Variants in KLHL1 observed in about 807,000 individuals in gnomAD.
KLHL1 encodes kelch-like protein 1.
KLHL1 carries 47 observed loss-of-function variants against 77.7 expected under a neutral mutation model. The ratio of observed to expected loss-of-function variants is 0.60; its 90% CI spans 0.48 to 0.77. KLHL1 has a LOEUF of 0.77. Ranked by LOEUF, KLHL1 falls within the 30% of genes least tolerant of loss-of-function variation. KLHL1 has a pLI of 0.00. For missense variants in KLHL1, 925 were observed against 910.8 expected, an observed-to-expected ratio of 1.02 and a Z score of -0.20; for synonymous variants, 360 against 325.2, an observed-to-expected ratio of 1.11 and a Z score of -1.15.
intron 5 of KLHL1, among the ~76,000 whole-genome samples, chr13:69,859,195 C>G (rs888335053): frequency 2.0e-5 from 3 of 151,818 alleles, no homozygotes; most frequent in African/African-American, 7.3e-5. Context: ...ACTGGTGTAT[C>G]TGCTCCCATT....
At chr13:69,855,868 TATATTA>T (rs1237467967) in intron 5 of KLHL1, among the ~76,000 whole-genome samples, 15 of 144,576 alleles carry the variant, frequency 1.0e-4, no homozygotes, top group Admixed American at 5.6e-4. Context: ...TAATATATTA[TATATTA>T]TATATGTTAT....
intron 3 of KLHL1, among the ~76,000 whole-genome samples, chr13:69,942,011 T>A (rs1883379867): frequency 6.6e-6 from 1 of 151,960 alleles, no homozygotes; most frequent in African/African-American, 2.4e-5. Context: ...AAAGCTCAAT[T>A]CTACCAGACA....
At chr13:70,015,437 C>A (rs947967636) in intron 1 of KLHL1, among the ~76,000 whole-genome samples, 1 of 152,142 alleles carries the variant, frequency 6.6e-6, no homozygotes, top group Non-Finnish European at 1.5e-5. Flanking sequence ...CATTGTTATG[C>A]AGCACGTAAC....
At chr13:69,730,290 TGTGTGTG>T (rs1270715919) in intron 8 of KLHL1, among the ~76,000 whole-genome samples, 2 of 151,984 alleles carry the variant, frequency 1.3e-5, no homozygotes, top group African/African-American at 4.8e-5. Context: ...TGTGTGTGTG[TGTGTGTG>T]TTTTCATTAC....
chr13:69,910,791 GTTCAT>G (rs902967843), intron 4 of KLHL1, among the ~76,000 whole-genome samples: 2 of 151,904 alleles, frequency 1.3e-5, no homozygotes, highest in Non-Finnish European at 2.9e-5. Flanking sequence ...AAGTAAAATG[GTTCAT>G]TTAACTAATT....
intron 7 of KLHL1, among the ~76,000 whole-genome samples, chr13:69,794,243 T>C (rs1877001533): frequency 6.6e-6 from 1 of 152,130 alleles, no homozygotes; most frequent in Non-Finnish European, 1.5e-5. Flanking sequence ...CGAAGTCAGC[T>C]TACAGGCTTA....
intron 1 of KLHL1, among the ~76,000 whole-genome samples, chr13:70,067,285 C>T (rs1423549972): frequency 6.6e-6 from 1 of 152,168 alleles, no homozygotes; most frequent in East Asian, 1.9e-4. Context: ...ATACATTGAA[C>T]TAATAGCATT....
At chr13:70,094,408 T>G (rs1374868797) in intron 1 of KLHL1, among the ~76,000 whole-genome samples, 1 of 150,830 alleles carries the variant, frequency 6.6e-6, no homozygotes, top group Admixed American at 6.6e-5. Context: ...TATATATATA[T>G]ATGAATATAT....
intron 7 of KLHL1, among the ~76,000 whole-genome samples, chr13:69,749,749 G>T (rs968314083): frequency 6.6e-6 from 1 of 151,866 alleles, no homozygotes; most frequent in East Asian, 1.9e-4. Context: ...TTTAGCAAAA[G>T]GTTGAGCCTC....
At chr13:69,894,907 C>A (rs574505507) in intron 4 of KLHL1, 2 of 404,160 alleles carry the variant, frequency 4.9e-6, no homozygotes, top group Non-Finnish European at 9.6e-6. Context: ...ATGCACCTTG[C>A]GGTTGAGCAG....
At chr13:69,837,412 C>T (rs563060693) in intron 6 of KLHL1, among the ~76,000 whole-genome samples, 2 of 151,366 alleles carry the variant, frequency 1.3e-5, no homozygotes, top group African/African-American at 4.8e-5. Context: ...CATAATTTCA[C>T]ACACACAATG....
intron 4 of KLHL1, among the ~76,000 whole-genome samples, chr13:69,904,121 G>A (rs1196595702): frequency 6.7e-6 from 1 of 149,734 alleles, no homozygotes; most frequent in Admixed American, 6.7e-5. Flanking sequence ...TGATCTTAAA[G>A]AAGATTCATG....
At chr13:70,024,605 G>T (rs569154237) in intron 1 of KLHL1, among the ~76,000 whole-genome samples, 2 of 90,616 alleles carry the variant, frequency 2.2e-5, no homozygotes, top group South Asian at 9.3e-4. Context: ...CTGGTTAGGG[G>T]TGAGGAGAAA....
At chr13:69,879,431 GT>G (rs1880899125) in intron 5 of KLHL1, among the ~76,000 whole-genome samples, 2 of 151,390 alleles carry the variant, frequency 1.3e-5, no homozygotes, top group Admixed American at 1.3e-4. Context: ...TCTTCTCTTG[GT>G]AGCAACACAC....
intron 7 of KLHL1, among the ~76,000 whole-genome samples, chr13:69,765,427 A>G (rs1277142117): frequency 1.3e-5 from 2 of 152,328 alleles, no homozygotes; most frequent in South Asian, 2.1e-4. Flanking sequence ...CTATCACATA[A>G]GAACATACTA....
At chr13:69,940,361 T>C in intron 3 of KLHL1, 125 bp from the exon 4 acceptor site, 1 of 636,696 alleles carries the variant, frequency 1.6e-6, no homozygotes. Context: ...GTAATCAAGA[T>C]AAATATAACT....
intron 1 of KLHL1, among the ~76,000 whole-genome samples, chr13:70,067,485 G>A (rs1307680139): frequency 1.3e-5 from 2 of 152,102 alleles, no homozygotes; most frequent in Admixed American, 6.5e-5. Context: ...GGGGAAAGCC[G>A]GTGGAGAACG....
chr13:69,732,233 G>C (rs904975236), intron 8 of KLHL1, among the ~76,000 whole-genome samples: 7 of 152,200 alleles, frequency 4.6e-5, no homozygotes, highest in Admixed American at 4.6e-4. Flanking sequence ...AACACACATA[G>C]AACCATTAAC....
chr13:69,810,131 T>C (rs560612734), intron 6 of KLHL1, among the ~76,000 whole-genome samples: 2 of 152,236 alleles, frequency 1.3e-5, no homozygotes, highest in East Asian at 3.9e-4. Context: ...AGACAGATTG[T>C]TGAGGCAGAA....
Sources: allele counts gnomAD v4.1 joint callset (sites outside exome capture counted in the v4.1 genomes callset), GRCh38; gene constraint gnomAD v4.1.1; transcripts MANE v1.5; gene names NCBI Gene and HGNC (gene_info 2026-07-23, HGNC 2026-07-21).